The following C2orf49 variants were observed in gnomAD, a reference collection of about 807,000 sequenced individuals.
The protein encoded by C2orf49 is tRNA splicing ligase complex subunit 2.
In C2orf49, 11 loss-of-function variants were observed where a neutral mutation model predicts 20.6. The observed-to-expected ratio is 0.53, with a 90% CI of 0.34 to 0.88. The LOEUF is 0.88. Ranked by LOEUF, C2orf49 falls within the 40% of genes least tolerant of loss-of-function variation. The pLI is 0.02. For synonymous variants in C2orf49, 134 were observed against 108.5 expected, an observed-to-expected ratio of 1.24 and a Z score of -1.46; for missense variants, 289 against 274.2, an observed-to-expected ratio of 1.05 and a Z score of -0.38.
At chr2:105,382,065 C>T in the C2orf49 span, among the ~76,000 whole-genome samples, 1,765 of 152,316 alleles carry the variant, frequency 0.012, 40 homozygotes, top group African/African-American at 0.041. Flanking sequence ...CAGAGCCCTG[C>T]CAGGTTGCTT....
At chr2:105,367,717 C>T in the C2orf49 span, 20 of 1,614,046 alleles carry the variant, frequency 1.2e-5, no homozygotes, top group East Asian at 4.5e-5. Context: ...AGCTGCTGCC[C>T]TTGTACTCCA....
At chr2:105,344,888 A>C (rs1198298343) in intron 3 of C2orf49, among the ~76,000 whole-genome samples, 5 of 152,060 alleles carry the variant, frequency 3.3e-5, no homozygotes, top group African/African-American at 1.2e-4. Context: ...ATTTGCATTG[A>C]CTTTGGATTG....
the C2orf49 span, chr2:105,367,505 A>G: frequency 6.7e-7 from 1 of 1,492,406 alleles, no homozygotes; most frequent in Non-Finnish European, 9.1e-7. Flanking sequence ...AAGAGAACTG[A>G]CAGACATGGA....
chr2:105,384,662 C>T, the C2orf49 span, among the ~76,000 whole-genome samples: 1 of 152,222 alleles, frequency 6.6e-6, no homozygotes, highest in African/African-American at 2.4e-5. Context: ...TATGCACCAC[C>T]ACGCCCAGCT....
chr2:105,368,554 T>C, the C2orf49 span, among the ~76,000 whole-genome samples: 5 of 152,298 alleles, frequency 3.3e-5, no homozygotes, highest in East Asian at 7.7e-4. Flanking sequence ...ACGCCATCCA[T>C]TGTCTTTTGA....
rs1679837913 is a variant in C2orf49 at position 105,347,264 on chromosome 2, C to A, written c.*1893C>A. 1 of 152,180 alleles carries A rather than the reference C, an allele frequency of 6.6e-6. No homozygotes were observed. Among genetic ancestry groups the A allele is most frequent in the Non-Finnish European group, 1.5e-5 (1 of 68,034 alleles). 9.4% of individuals were successfully genotyped at this position (152,180 alleles called of 1,614,324 possible). On this transcript the variant is annotated 3_prime_UTR_variant, in exon 4 of 4. Transcript: ENST00000258457. The stretch of plus-strand genomic sequence containing the variant: ...GTTGGTGGGCAACTGTGATCCTATA[C>A]ATACATATATGCAAAAGGGGATTTT...
intron 1 of C2orf49, among the ~76,000 whole-genome samples, chr2:105,338,380 T>C (rs1026708503): frequency 6.6e-6 from 1 of 152,242 alleles, no homozygotes; most frequent in East Asian, 1.9e-4. Flanking sequence ...CAGGTCCTCT[T>C]GCCACGTAGA....
At chr2:105,367,010 G>A in the C2orf49 span, among the ~76,000 whole-genome samples, 2 of 152,138 alleles carry the variant, frequency 1.3e-5, no homozygotes, top group African/African-American at 4.8e-5. Flanking sequence ...CCTCCCACAG[G>A]TGATCCACCA....
the C2orf49 span, chr2:105,363,523 T>C: frequency 2.0e-6 from 3 of 1,504,002 alleles, no homozygotes; most frequent in African/African-American, 4.1e-5. Context: ...GGCAGACATC[T>C]TCAGTCTCAG....
the C2orf49 span, among the ~76,000 whole-genome samples, chr2:105,379,151 C>T: frequency 6.6e-6 from 1 of 152,196 alleles, no homozygotes; most frequent in African/African-American, 2.4e-5. Flanking sequence ...CCACGTACAT[C>T]ACCATTGGGA....
chr2:105,337,945 G>A (rs534680918), intron 1 of C2orf49, among the ~76,000 whole-genome samples: 1 of 152,254 alleles, frequency 6.6e-6, no homozygotes, highest in African/African-American at 2.4e-5. Context: ...GTAAAGAGGA[G>A]TCCCAGGCGA....
At chr2:105,341,457 C>T (rs532795805) in intron 2 of C2orf49, among the ~76,000 whole-genome samples, 1 of 152,332 alleles carries the variant, frequency 6.6e-6, no homozygotes, top group East Asian at 1.9e-4. Flanking sequence ...AGTGCTGTAA[C>T]ATGCCCAAGG....
At chr2:105,339,995 A>G (rs1679622879) in intron 2 of C2orf49, among the ~76,000 whole-genome samples, 1 of 152,236 alleles carries the variant, frequency 6.6e-6, no homozygotes, top group Non-Finnish European at 1.5e-5. Context: ...GGCCAGGGAG[A>G]AAGATTACAA....
chr2:105,341,830 T>G (rs1679678437), intron 2 of C2orf49, among the ~76,000 whole-genome samples: 1 of 152,220 alleles, frequency 6.6e-6, no homozygotes, highest in South Asian at 2.1e-4. Context: ...AGGGCTAAAA[T>G]GTTCTTCCTG....
chr2:105,375,640 A>G, the C2orf49 span: 1 of 152,264 alleles, frequency 6.6e-6, no homozygotes, highest in Non-Finnish European at 1.5e-5. Context: ...TGAGAGGAGC[A>G]TAGAGTGCTC....
chr2:105,368,231 C>T, the C2orf49 span, among the ~76,000 whole-genome samples: 39 of 152,314 alleles, frequency 2.6e-4, no homozygotes, highest in African/African-American at 9.4e-4. Flanking sequence ...CAGTGAGCAG[C>T]CTCTACAACA....
chr2:105,358,473 T>C, the C2orf49 span: 1 of 152,476 alleles, frequency 6.6e-6, no homozygotes, highest in Non-Finnish European at 1.5e-5. Flanking sequence ...CCTAGACTGG[T>C]AGCTGGAGGA....
the C2orf49 span, among the ~76,000 whole-genome samples, chr2:105,371,170 G>A: frequency 6.6e-6 from 1 of 152,106 alleles, no homozygotes; most frequent in African/African-American, 2.4e-5. Flanking sequence ...ATGTGTCAGC[G>A]TGGCTGGGCT....
chr2:105,360,961 T>G, the C2orf49 span: 1 of 206,172 alleles, frequency 4.9e-6, no homozygotes, highest in East Asian at 1.1e-4. Context: ...GTGACATATG[T>G]TAATTGCACT....
Sources: allele counts gnomAD v4.1 joint callset (sites outside exome capture counted in the v4.1 genomes callset), GRCh38; gene constraint gnomAD v4.1.1; transcripts MANE v1.5; gene names NCBI Gene and HGNC (gene_info 2026-07-23, HGNC 2026-07-21).